The following ERC1 variants were observed in gnomAD, a reference collection of about 807,000 sequenced individuals.
ERC1 encodes the protein ELKS/RAB6-interacting/CAST family member 1, also known as RAB6 interacting protein 2.
In ERC1, 56 loss-of-function variants were observed where a neutral mutation model predicts 132.0. The observed-to-expected ratio is 0.42, with a 90% CI of 0.34 to 0.53. ERC1 has a LOEUF of 0.53. Ranked by LOEUF, ERC1 falls within the 20% of genes least tolerant of loss-of-function variation. ERC1 has a pLI of 0.03. For synonymous variants in ERC1, 478 were observed against 476.1 expected (o/e 1.00, Z -0.05); for missense variants, 1,202 against 1,349.9 (o/e 0.89, Z 1.72).
At chr12:1,000,559 T>C (rs899136515) in intron 1 of ERC1, among the ~76,000 whole-genome samples, 1 of 151,350 alleles carries the variant, frequency 6.6e-6, no homozygotes, top group Non-Finnish European at 1.5e-5. Flanking sequence ...AAATTAAGTG[T>C]CTCTGCCATC....
chr12:1,157,550 A>G (rs1231156842), intron 8 of ERC1, among the ~76,000 whole-genome samples: 3 of 152,212 alleles, frequency 2.0e-5, no homozygotes, highest in Admixed American at 1.3e-4. Context: ...GAAATGCCAC[A>G]AATAAATTAT....
chr12:1,304,515 C>T (rs553491534), intron 15 of ERC1, among the ~76,000 whole-genome samples: 2 of 152,244 alleles, frequency 1.3e-5, no homozygotes, highest in African/African-American at 4.8e-5. Context: ...AGGCACTCTG[C>T]GAAGGCAAGA....
intron 14 of ERC1, among the ~76,000 whole-genome samples, chr12:1,276,038 C>G (rs1175592032): frequency 6.6e-6 from 1 of 152,062 alleles, no homozygotes; most frequent in East Asian, 1.9e-4. Context: ...AAACAAGTGC[C>G]AGTTCTTGTT....
At chr12:1,106,184 G>A (rs772310126) in intron 4 of ERC1, among the ~76,000 whole-genome samples, 7 of 152,184 alleles carry the variant, frequency 4.6e-5, no homozygotes, top group Non-Finnish European at 1.0e-4. Flanking sequence ...CTCATCCAGT[G>A]GGTCGTTTTG....
chr12:1,005,657 T>C (rs1315240731), intron 1 of ERC1, among the ~76,000 whole-genome samples: 1 of 152,166 alleles, frequency 6.6e-6, no homozygotes, highest in African/African-American at 2.4e-5. Context: ...ATTCTTATGC[T>C]TTGGGCCTGA....
At chr12:1,251,657 A>G (rs1473007856) in intron 13 of ERC1, among the ~76,000 whole-genome samples, 1 of 152,170 alleles carries the variant, frequency 6.6e-6, no homozygotes, top group African/African-American at 2.4e-5. Context: ...ACTTTTTACC[A>G]TTTAGAAAGA....
chr12:1,397,522 G>A (rs2090643367), intron 16 of ERC1, among the ~76,000 whole-genome samples: 1 of 152,108 alleles, frequency 6.6e-6, no homozygotes, highest in African/African-American at 2.4e-5. Flanking sequence ...GCGATTCCCA[G>A]AACATACTGT....
intron 16 of ERC1, among the ~76,000 whole-genome samples, chr12:1,387,647 A>G (rs1396089263): frequency 6.6e-6 from 1 of 152,210 alleles, no homozygotes; most frequent in Non-Finnish European, 1.5e-5. Context: ...CTGGGTGGCT[A>G]TGAACCAAGA....
At chr12:1,478,387 T>C (rs1285472137) in intron 18 of ERC1, among the ~76,000 whole-genome samples, 1 of 152,234 alleles carries the variant, frequency 6.6e-6, no homozygotes, top group African/African-American at 2.4e-5. Flanking sequence ...TTTTCATTAT[T>C]AACTGTTGTT....
chr12:1,050,757 GC>G (rs986816892), intron 2 of ERC1, among the ~76,000 whole-genome samples: 2 of 152,200 alleles, frequency 1.3e-5, no homozygotes, highest in African/African-American at 4.8e-5. Context: ...GTCAGGCCGA[GC>G]ACTTTGGGAG....
At chr12:1,280,146 C>T in intron 14 of ERC1, among the ~76,000 whole-genome samples, 1 of 152,172 alleles carries the variant, frequency 6.6e-6, no homozygotes, top group South Asian at 2.1e-4. Flanking sequence ...TTTCTTTTCT[C>T]CTACTGAGAA....
chr12:1,473,075 G>C (rs1182503136), intron 18 of ERC1, among the ~76,000 whole-genome samples: 1 of 152,152 alleles, frequency 6.6e-6, no homozygotes, highest in African/African-American at 2.4e-5. Context: ...GCCCAGGCTG[G>C]AGTGCAGTGG....
intron 1 of ERC1, among the ~76,000 whole-genome samples, chr12:1,010,396 G>T (rs1422208864): frequency 6.7e-6 from 1 of 149,858 alleles, no homozygotes; most frequent in Non-Finnish European, 1.5e-5. Context: ...CAGGAGAATC[G>T]CTTGAACCCG....
At chr12:1,438,788 A>T (rs2093014786) in intron 17 of ERC1, among the ~76,000 whole-genome samples, 1 of 151,954 alleles carries the variant, frequency 6.6e-6, no homozygotes, top group Non-Finnish European at 1.5e-5. Flanking sequence ...CAATAAATTT[A>T]AAAAATTAGC....
intron 8 of ERC1, among the ~76,000 whole-genome samples, chr12:1,162,105 T>C (rs933504166): frequency 2.0e-5 from 3 of 152,242 alleles, no homozygotes; most frequent in Non-Finnish European, 4.4e-5. Flanking sequence ...CTAAGTAGTA[T>C]ACATATTTGT....
At chr12:1,356,614 C>T (rs1410041484) in intron 15 of ERC1, among the ~76,000 whole-genome samples, 1 of 152,182 alleles carries the variant, frequency 6.6e-6, no homozygotes, top group African/African-American at 2.4e-5. Context: ...AAAGTCTACG[C>T]TTCCCATCTT....
chr12:1,319,171 C>A (rs2081958145), intron 15 of ERC1, among the ~76,000 whole-genome samples: 1 of 152,024 alleles, frequency 6.6e-6, no homozygotes. Context: ...TTTTTCATCC[C>A]TTCATCTCAA....
At chr12:1,490,049 A>G in intron 18 of ERC1, 44 bp from the exon 19 acceptor site, 1 of 1,598,436 alleles carries the variant, frequency 6.3e-7, no homozygotes, top group South Asian at 1.1e-5. Context: ...CTCAGTGCAA[A>G]TGGGATTGTT....
At chr12:1,404,955 A>G (rs1040844262) in intron 16 of ERC1, among the ~76,000 whole-genome samples, 10 of 151,644 alleles carry the variant, frequency 6.6e-5, no homozygotes, top group African/African-American at 2.4e-4. Context: ...CCAGGCCAGC[A>G]TAGCAAAACC....
Sources: allele counts gnomAD v4.1 joint callset (sites outside exome capture counted in the v4.1 genomes callset), GRCh38; gene constraint gnomAD v4.1.1; transcripts MANE v1.5; gene names NCBI Gene and HGNC (gene_info 2026-07-23, HGNC 2026-07-21).